Variants in GBE1 observed in about 807,000 individuals in gnomAD.
GBE1 encodes 1,4-alpha-glucan branching enzyme 1.
Under a neutral mutation model 88.8 loss-of-function variants are expected in GBE1, and 70 were observed. The observed-to-expected ratio is 0.79, with a 90% CI of 0.65 to 0.96. GBE1 has a LOEUF of 0.96. GBE1 is among the 40% of genes least tolerant of loss of function. The pLI, the probability that GBE1 is intolerant of heterozygous loss-of-function variation, is 0.00. For missense variants in GBE1, 872 were observed against 871.0 expected (o/e 1.00, Z -0.01); for synonymous variants, 284 against 300.1 (o/e 0.95, Z 0.56).
At chr3:81,633,798 G>T (rs1448501465) in intron 7 of GBE1, among the ~76,000 whole-genome samples, 3 of 152,148 alleles carry the variant, frequency 2.0e-5, no homozygotes, top group African/African-American at 7.2e-5. Flanking sequence ...TTATTTGGTA[G>T]TTTGGTAGAA....
At chr3:81,526,902 G>A (rs547213531) in intron 14 of GBE1, among the ~76,000 whole-genome samples, 20 of 152,104 alleles carry the variant, frequency 1.3e-4, no homozygotes, top group Middle Eastern at 3.4e-3. Context: ...AAAAGAGCCC[G>A]CATTGCCAAG....
chr3:81,648,228 T>A, intron 5 of GBE1, among the ~76,000 whole-genome samples: 1 of 152,120 alleles, frequency 6.6e-6, no homozygotes, highest in East Asian at 1.9e-4. Flanking sequence ...AGGTGTTAAA[T>A]ATACTGTTGT....
At chr3:81,649,718 A>G in intron 4 of GBE1, 78 bp downstream of exon 4, 2 of 1,214,504 alleles carry the variant, frequency 1.6e-6, no homozygotes, top group South Asian at 1.5e-5. Context: ...GAACATTACT[A>G]TAAAAGTTAT....
chr3:81,518,095 C>T (rs751975909), intron 14 of GBE1, among the ~76,000 whole-genome samples: 1 of 151,312 alleles, frequency 6.6e-6, no homozygotes, highest in African/African-American at 2.4e-5. Context: ...TGTTCCTCCC[C>T]CCCAAACCCC....
At chr3:81,642,410 G>A (rs1413180830) in intron 7 of GBE1, among the ~76,000 whole-genome samples, 1 of 151,888 alleles carries the variant, frequency 6.6e-6, no homozygotes, top group African/African-American at 2.4e-5. Context: ...AATGAAGTAT[G>A]ATTTTTTTAA....
chr3:81,602,799 A>G (rs1410605033), intron 7 of GBE1, among the ~76,000 whole-genome samples: 3 of 152,172 alleles, frequency 2.0e-5, no homozygotes, highest in African/African-American at 7.2e-5. Flanking sequence ...CATAATGCTT[A>G]ACTATTCTTT....
At chr3:81,676,607 A>G (rs1705255537) in intron 2 of GBE1, among the ~76,000 whole-genome samples, 3 of 151,440 alleles carry the variant, frequency 2.0e-5, no homozygotes, top group South Asian at 4.2e-4. Flanking sequence ...CTAATTTACA[A>G]TAATTAATTT....
chr3:81,546,106 A>G (rs778685442), intron 12 of GBE1, among the ~76,000 whole-genome samples: 4 of 152,106 alleles, frequency 2.6e-5, no homozygotes, highest in Non-Finnish European at 4.4e-5. Context: ...ATGTAAAGGA[A>G]AAAAAACAGT....
At chr3:81,755,609 G>A (rs182132531) in intron 1 of GBE1, among the ~76,000 whole-genome samples, 1 of 152,202 alleles carries the variant, frequency 6.6e-6, no homozygotes, top group East Asian at 1.9e-4. Flanking sequence ...AGAAACTACA[G>A]TATATATACA....
At chr3:81,703,001 GGT>G (rs1174277344) in intron 2 of GBE1, among the ~76,000 whole-genome samples, 4 of 151,798 alleles carry the variant, frequency 2.6e-5, no homozygotes, top group African/African-American at 9.7e-5. Context: ...TAAATATGGG[GGT>G]GGGGGAACCA....
intron 12 of GBE1, among the ~76,000 whole-genome samples, chr3:81,574,810 T>C (rs568317823): frequency 2.0e-5 from 3 of 152,022 alleles, no homozygotes; most frequent in Non-Finnish European, 1.5e-5. Flanking sequence ...AAATATCTGG[T>C]ATAAAAAATA....
intron 12 of GBE1, among the ~76,000 whole-genome samples, chr3:81,557,931 G>A (rs1046300162): frequency 1.3e-5 from 2 of 152,038 alleles, no homozygotes; most frequent in Non-Finnish European, 2.9e-5. Flanking sequence ...AGGAGTTCAG[G>A]TAGTGGGTGC....
At chr3:81,538,414 A>T (rs1248742890) in intron 12 of GBE1, among the ~76,000 whole-genome samples, 2 of 152,016 alleles carry the variant, frequency 1.3e-5, no homozygotes, top group East Asian at 3.9e-4. Flanking sequence ...TTTCTTAAAA[A>T]TTAATAAGTG....
At chr3:81,738,334 T>G (rs2107215315) in intron 1 of GBE1, among the ~76,000 whole-genome samples, 1 of 151,148 alleles carries the variant, frequency 6.6e-6, no homozygotes, top group South Asian at 2.1e-4. Flanking sequence ...CCACACTGAC[T>G]TCCACAATGG....
intron 9 of GBE1, among the ~76,000 whole-genome samples, chr3:81,587,810 T>C (rs970939482): frequency 1.3e-5 from 2 of 152,196 alleles, no homozygotes; most frequent in Non-Finnish European, 2.9e-5. Context: ...ATTAATAAAC[T>C]AGGACCTAAA....
chr3:81,498,758 G>A (rs1403426302), intron 15 of GBE1, among the ~76,000 whole-genome samples: 1 of 152,034 alleles, frequency 6.6e-6, no homozygotes, highest in Non-Finnish European at 1.5e-5. Context: ...AAATGTTATG[G>A]AGAAAACAAG....
intron 1 of GBE1, among the ~76,000 whole-genome samples, chr3:81,719,940 T>C (rs1286031319): frequency 1.3e-5 from 2 of 152,196 alleles, no homozygotes; most frequent in African/African-American, 2.4e-5. Context: ...GCCTTGTGAA[T>C]GTTTTTATAT....
intron 2 of GBE1, among the ~76,000 whole-genome samples, chr3:81,679,381 C>T (rs974328987): frequency 6.6e-6 from 1 of 152,182 alleles, no homozygotes; most frequent in Non-Finnish European, 1.5e-5. Flanking sequence ...ATAACCTCAT[C>T]AACTCTGGGA....
At chr3:81,663,625 C>T (rs1011757864) in intron 3 of GBE1, among the ~76,000 whole-genome samples, 2 of 152,144 alleles carry the variant, frequency 1.3e-5, no homozygotes, top group African/African-American at 4.8e-5. Context: ...TACAGAAAAC[C>T]CTCTGTCCTT....
Sources: allele counts gnomAD v4.1 joint callset (sites outside exome capture counted in the v4.1 genomes callset), GRCh38; gene constraint gnomAD v4.1.1; transcripts MANE v1.5; gene names NCBI Gene and HGNC (gene_info 2026-07-23, HGNC 2026-07-21).